Variants in GAB2 observed in about 807,000 individuals in gnomAD.
GAB2 encodes the protein GRB2-associated-binding protein 2.
In GAB2, 26 loss-of-function variants were observed where a neutral mutation model predicts 65.5. The observed-to-expected ratio is 0.40, with a 90% confidence interval of 0.29 to 0.55. GAB2 has a LOEUF of 0.55. Among genes scored for constraint, GAB2 ranks in the 20% least tolerant of loss-of-function variants. GAB2 has a pLI of 0.53. For synonymous variants in GAB2, 321 were observed against 329.6 expected (o/e 0.97, Z 0.28); for missense variants, 884 against 875.8 (o/e 1.01, Z -0.12).
rs143407033 is a variant in GAB2 at position 78,349,700 on chromosome 11, G to A, written c.75+67946C>T. On this transcript the variant is annotated intron_variant, in intron 1 of 9. Transcript: ENST00000361507. ...TTTTCTTTTAAAAAATTTTTTTTAA[G>A]TCGGTGAGTTTTAGCAGCCTTTTTC... Among the ~76,000 whole-genome samples the A allele has an allele frequency of 6.1e-4, 93 of 152,046 alleles. 1 individual carries two copies. The East Asian group carries it at 0.012, about 20-fold the overall frequency.
intron 1 of GAB2, among the ~76,000 whole-genome samples, chr11:78,320,532 T>G (rs1855702468): frequency 6.6e-6 from 1 of 152,160 alleles, no homozygotes; most frequent in Admixed American, 6.5e-5. Context: ...AAGATCACTC[T>G]GGCTGCTGTG....
chr11:78,406,711 G>A (rs1313491325), intron 1 of GAB2, among the ~76,000 whole-genome samples: 1 of 152,132 alleles, frequency 6.6e-6, no homozygotes, highest in Non-Finnish European at 1.5e-5. Context: ...TACAAAGAAT[G>A]AGGAAGCTCT....
chr11:78,338,296 C>T (rs1565165096), intron 1 of GAB2, among the ~76,000 whole-genome samples: 1 of 152,174 alleles, frequency 6.6e-6, no homozygotes, highest in Non-Finnish European at 1.5e-5. Flanking sequence ...GAGGTATCCA[C>T]ATGTCACAGT....
At chr11:78,415,420 G>C (rs1021099484) in intron 1 of GAB2, among the ~76,000 whole-genome samples, 1 of 152,108 alleles carries the variant, frequency 6.6e-6, no homozygotes, top group African/African-American at 2.4e-5. Flanking sequence ...AAGCAAACTA[G>C]CAGAGTTTTA....
intron 1 of GAB2, among the ~76,000 whole-genome samples, chr11:78,327,971 A>G (rs1855852884): frequency 6.6e-6 from 1 of 152,210 alleles, no homozygotes; most frequent in Admixed American, 6.5e-5. Context: ...TTGGCAAAAC[A>G]TCTTACAAAC....
rs1377131861 is a variant in GAB2, at chr11:78,216,054, C to T, written c.*3218G>A. On this transcript the variant is annotated 3_prime_UTR_variant, in exon 10 of 10. Transcript: ENST00000361507. ...GACTGGGGATAGGTACTGCCCACCC[C>T]AATCCCCCAGAAAGAAGTTACAGAG... The T allele has an allele frequency of 6.6e-6, 1 of 152,634 alleles. No individual in the cohort carries two copies. Among genetic ancestry groups the T allele is most frequent in the African/African-American group, 2.4e-5 (1 of 41,444 alleles). The allele number at this position is 152,634 out of a possible 1,614,324, so 9.5% of individuals were successfully genotyped here.
chr11:78,411,694 C>T (rs201914767), intron 1 of GAB2, among the ~76,000 whole-genome samples: 2 of 151,640 alleles, frequency 1.3e-5, no homozygotes, highest in African/African-American at 4.8e-5. Context: ...CAGTGGATCA[C>T]GGACTTAAAG....
intron 1 of GAB2, among the ~76,000 whole-genome samples, chr11:78,407,554 A>G (rs957355387): frequency 2.0e-5 from 3 of 151,812 alleles, no homozygotes; most frequent in Non-Finnish European, 4.4e-5. Context: ...AATCTATTGA[A>G]CCTGGGACGC....
At chr11:78,276,919 G>A (rs540736411) in intron 2 of GAB2, among the ~76,000 whole-genome samples, 9 of 152,284 alleles carry the variant, frequency 5.9e-5, no homozygotes, top group East Asian at 3.9e-4. Context: ...CCAGGTTCAC[G>A]CCATTCTCCT....
At chr11:78,394,733 T>G (rs1384137681) in intron 1 of GAB2, among the ~76,000 whole-genome samples, 2 of 152,186 alleles carry the variant, frequency 1.3e-5, no homozygotes, top group Non-Finnish European at 2.9e-5. Flanking sequence ...TTGCTGGTCT[T>G]AAGCCCTCTT....
rs1864532275 is a variant in GAB2, at chr11:78,223,580, G to T, written c.1399C>A (p.Arg467=). The T allele has an allele frequency of 1.2e-6, 2 of 1,613,474 alleles. No homozygotes were observed. The highest frequency in any genetic ancestry group is 1.7e-6 in the Non-Finnish European group (2 of 1,179,750). Residue 467 remains arginine (R), a synonymous_variant, in exon 6 of 10, where the codon CGA becomes AGA. Coordinates refer to ENST00000361507, the MANE Select transcript of GAB2 (RefSeq NM_080491.3). The part of the protein sequence containing the change: ...PGSSTLLAME[R]AGDNSQSVYI... Reference sequence around the variant, plus strand: ...ACGCTCTGGGAATTATCACCTGCTCGTTCCATGGCCAACAGGGTGGAAGAA... The same window carrying T: ...ACGCTCTGGGAATTATCACCTGCTCTTTCCATGGCCAACAGGGTGGAAGAA...
intron 1 of GAB2, among the ~76,000 whole-genome samples, chr11:78,391,058 C>T (rs1466887298): frequency 6.6e-6 from 1 of 152,104 alleles, no homozygotes; most frequent in Admixed American, 6.6e-5. Context: ...AGACTTTATC[C>T]TGAAAAATAA....
At chr11:78,356,310 T>C (rs1436820593) in intron 1 of GAB2, among the ~76,000 whole-genome samples, 2 of 152,154 alleles carry the variant, frequency 1.3e-5, no homozygotes, top group Non-Finnish European at 2.9e-5. Flanking sequence ...ATTGGGGCAC[T>C]TGAGGGTGAG....
intron 1 of GAB2, among the ~76,000 whole-genome samples, chr11:78,288,302 C>T (rs1866544512): frequency 6.7e-6 from 1 of 148,550 alleles, no homozygotes; most frequent in Non-Finnish European, 1.5e-5. Flanking sequence ...TTGCTTGAGC[C>T]CAGGAGGTAG....
chr11:78,399,866 A>AT (rs1401884605), intron 1 of GAB2, among the ~76,000 whole-genome samples: 2 of 152,214 alleles, frequency 1.3e-5, no homozygotes, highest in African/African-American at 4.8e-5. Flanking sequence ...CATTAGTCTA[A>AT]TTTTACAGAC....
chr11:78,334,722 A>G (rs1234518549), intron 1 of GAB2, among the ~76,000 whole-genome samples: 1 of 152,238 alleles, frequency 6.6e-6, no homozygotes, highest in Non-Finnish European at 1.5e-5. Context: ...ATGGGAGTGC[A>G]GGTATCTCTG....
At chr11:78,228,221 C>T (rs529295814) in intron 3 of GAB2, among the ~76,000 whole-genome samples, 69 of 152,270 alleles carry the variant, frequency 4.5e-4, no homozygotes, top group Non-Finnish European at 7.8e-4. Context: ...AACTAGATTC[C>T]AGGTTCTCTG....
At chr11:78,304,840 T>C (rs1425746083) in intron 1 of GAB2, among the ~76,000 whole-genome samples, 1 of 152,216 alleles carries the variant, frequency 6.6e-6, no homozygotes, top group East Asian at 1.9e-4. Context: ...AACTGCTACC[T>C]GAAATTTTCA....
chr11:78,394,653 G>A (rs1488465629), intron 1 of GAB2, among the ~76,000 whole-genome samples: 1 of 151,916 alleles, frequency 6.6e-6, no homozygotes, highest in East Asian at 1.9e-4. Context: ...TGAGCAAGAA[G>A]GAGCAGCACT....
Sources: allele counts gnomAD v4.1 joint callset (sites outside exome capture counted in the v4.1 genomes callset), GRCh38; gene constraint gnomAD v4.1.1; transcripts MANE v1.5; gene names NCBI Gene and HGNC (gene_info 2026-07-23, HGNC 2026-07-21).